The following CCDC57 variants were observed in gnomAD, a reference collection of about 807,000 sequenced individuals.
CCDC57 encodes the protein coiled-coil domain-containing protein 57.
Under a neutral mutation model 118.9 loss-of-function variants are expected in CCDC57, and 118 were observed. The ratio of observed to expected loss-of-function variants is 0.99; its 90% CI spans 0.86 to 1.16. The LOEUF is 1.16. Ranked by LOEUF, CCDC57 falls within the 50% of genes most tolerant of loss-of-function variation. The pLI is 0.00. For missense variants in CCDC57, 1,300 were observed against 1,320.7 expected (o/e 0.98, Z 0.24); for synonymous variants, 527 against 532.9 (o/e 0.99, Z 0.15).
At chr17:82,109,914 G>A (rs2035129070) in intron 19 of CCDC57, among the ~76,000 whole-genome samples, 2 of 150,830 alleles carry the variant, frequency 1.3e-5, no homozygotes, top group Admixed American at 1.3e-4. Context: ...CAGTTAAAAA[G>A]ACAGAAAAAG....
intron 8 of CCDC57, among the ~76,000 whole-genome samples, chr17:82,185,618 C>CA (rs796316787): frequency 0.025 from 3,451 of 137,074 alleles, 42 homozygotes; most frequent in Middle Eastern, 0.056. Flanking sequence ...GACCTTGTCA[C>CA]AAAAAAAAAA....
rs1360072761 is a variant in CCDC57 at position 82,106,772 on chromosome 17, TG to T, written c.2900-4907del. Among the ~76,000 whole-genome samples, 4 of 152,180 alleles carry T rather than the reference TG, an allele frequency of 2.6e-5. No individual in the cohort carries two copies. The East Asian group carries it at 7.7e-4, about 29-fold the overall frequency. The stretch of plus-strand genomic sequence containing the variant: ...TGGTGTTTAGACGACTCGTGGTCTC[TG>T]TTGGCACTGTCTGGGGACAGCAAAA... On this transcript the variant is annotated intron_variant, in intron 19 of 19. Coordinates refer to ENST00000665763, the Ensembl canonical transcript of CCDC57.
intron 7 of CCDC57, among the ~76,000 whole-genome samples, chr17:82,191,675 A>AT (rs959795453): frequency 4.0e-5 from 6 of 151,390 alleles, no homozygotes; most frequent in East Asian, 1.9e-4. Flanking sequence ...ATTTTCTAAG[A>AT]TTTTTTTTTA....
At chr17:82,126,009 G>A (rs9910422) in intron 19 of CCDC57, among the ~76,000 whole-genome samples, 2 of 152,144 alleles carry the variant, frequency 1.3e-5, no homozygotes, top group African/African-American at 2.4e-5. Context: ...GGCCAGGCAC[G>A]GTGGCTCACC....
intron 16 of CCDC57, among the ~76,000 whole-genome samples, chr17:82,140,586 T>C (rs2039884749): frequency 6.6e-6 from 1 of 152,214 alleles, no homozygotes; most frequent in African/African-American, 2.4e-5. Flanking sequence ...ACTCTTACTT[T>C]CAAAGTAATA....
chr17:82,186,891 G>A (rs530534875), intron 8 of CCDC57, among the ~76,000 whole-genome samples: 90 of 151,972 alleles, frequency 5.9e-4, no homozygotes, highest in Non-Finnish European at 1.1e-3. Context: ...ACAGCAAGCC[G>A]TGATCGCACC....
chr17:82,129,142 C>T (rs2037924729), intron 17 of CCDC57, among the ~76,000 whole-genome samples: 2 of 152,164 alleles, frequency 1.3e-5, no homozygotes, highest in African/African-American at 4.8e-5. Context: ...TGGTCTTGAA[C>T]ACCTGACCTC....
At chr17:82,154,215 T>C (rs2042403824) in intron 15 of CCDC57, 1 of 152,410 alleles carries the variant, frequency 6.6e-6, no homozygotes, top group Non-Finnish European at 1.5e-5. Context: ...GGGACCTGCC[T>C]GGGAGCAGAG....
At chr17:82,107,352 TG>T in intron 19 of CCDC57, 2 of 443,868 alleles carry the variant, frequency 4.5e-6, no homozygotes, top group South Asian at 1.6e-5. Context: ...GGCACCCGGG[TG>T]GGGCACAGAT....
At chr17:82,103,820 C>A (rs1358577593) in intron 19 of CCDC57, among the ~76,000 whole-genome samples, 1 of 140,394 alleles carries the variant, frequency 7.1e-6, no homozygotes, top group African/African-American at 2.7e-5. Flanking sequence ...GGGTCACAGT[C>A]CCCGGGGCAG....
intron 16 of CCDC57, among the ~76,000 whole-genome samples, chr17:82,134,741 C>T (rs1311426140): frequency 6.6e-6 from 1 of 152,066 alleles, no homozygotes; most frequent in African/African-American, 2.4e-5. Context: ...TTGCAGCGAG[C>T]CGAGATCATG....
intron 13 of CCDC57, among the ~76,000 whole-genome samples, chr17:82,166,023 G>T (rs1360579455): frequency 6.6e-6 from 1 of 152,140 alleles, no homozygotes; most frequent in African/African-American, 2.4e-5. Context: ...ACAGGAGGCT[G>T]CTTGTAATTC....
intron 17 of CCDC57, among the ~76,000 whole-genome samples, chr17:82,129,622 C>A (rs1434250127): frequency 6.6e-6 from 1 of 152,198 alleles, no homozygotes; most frequent in Non-Finnish European, 1.5e-5. Context: ...TGCTCACTGC[C>A]CCCCGGGCTT....
intron 17 of CCDC57, among the ~76,000 whole-genome samples, chr17:82,133,496 A>T (rs983391811): frequency 1.3e-5 from 2 of 151,324 alleles, no homozygotes; most frequent in Non-Finnish European, 2.9e-5. Flanking sequence ...ATACCAGATT[A>T]AAAAAATAGT....
At chr17:82,149,813 C>CCACACCCAGAACCAGGCG (rs2041617100) in intron 16 of CCDC57, among the ~76,000 whole-genome samples, 2 of 140,732 alleles carry the variant, frequency 1.4e-5, no homozygotes, top group Non-Finnish European at 3.0e-5. Context: ...GGAACCTGAC[C>CCACACCCAGAACCAGGCG]CACACCCAGA....
chr17:82,113,675 G>A, intron 19 of CCDC57: 1 of 716,502 alleles, frequency 1.4e-6, no homozygotes. Context: ...GCCCACACCT[G>A]TCATCTCAGC....
At chr17:82,190,238 T>A (rs988776369) in intron 7 of CCDC57, among the ~76,000 whole-genome samples, 2 of 152,170 alleles carry the variant, frequency 1.3e-5, no homozygotes, top group African/African-American at 2.4e-5. Context: ...CAGCATAGAG[T>A]GACTTCTCAA....
intron 2 of CCDC57, among the ~76,000 whole-genome samples, chr17:82,204,344 C>T (rs2059678911): frequency 6.6e-6 from 1 of 152,208 alleles, no homozygotes; most frequent in African/African-American, 2.4e-5. Flanking sequence ...GCCCCACCGT[C>T]CACCCCGTGT....
At chr17:82,120,431 G>A (rs2036522062) in intron 19 of CCDC57, among the ~76,000 whole-genome samples, 1 of 152,226 alleles carries the variant, frequency 6.6e-6, no homozygotes, top group Non-Finnish European at 1.5e-5. Context: ...TCTGGCGAGC[G>A]ACTGCCGAGC....
Sources: gnomAD v4.1 joint callset for allele counts (sites outside exome capture counted in the v4.1 genomes callset) on GRCh38, gnomAD v4.1.1 for gene constraint, MANE v1.5 for transcripts, NCBI Gene and HGNC (gene_info 2026-07-23, HGNC 2026-07-21) for gene names.